DNAJC10: variants seen among roughly 807,000 people sequenced by gnomAD.
DNAJC10 encodes endoplasmic reticulum disulfide reductase DNAJC10.
A neutral mutation model predicts 115.0 loss-of-function variants in DNAJC10; 101 were observed. The ratio of observed to expected loss-of-function variants is 0.88; its 90% CI spans 0.75 to 1.04. The LOEUF (loss-of-function observed/expected upper bound fraction) is 1.04. DNAJC10 is among the 50% of genes least tolerant of loss of function. The pLI is 0.00. For synonymous variants in DNAJC10, 307 were observed against 301.5 expected, an observed-to-expected ratio of 1.02 and a Z score of -0.19; for missense variants, 981 against 928.8, an observed-to-expected ratio of 1.06 and a Z score of -0.73.
chr2:182,729,409 A>G (rs1203712615), intron 7 of DNAJC10, among the ~76,000 whole-genome samples: 2 of 152,178 alleles, frequency 1.3e-5, no homozygotes, highest in African/African-American at 4.8e-5. Context: ...TCAGCCTCCC[A>G]CAGTGCTGGG....
intron 14 of DNAJC10, 59 bp downstream of exon 14, chr2:182,743,771 C>G: frequency 8.2e-7 from 1 of 1,226,146 alleles, no homozygotes. Context: ...TAGAAGTTTT[C>G]TAATTGTGCT....
In DNAJC10 at chr2:182,786,366, C is replaced by T. The variant is rs1456265855; in HGVS notation, c.*9234C>T. ...AGCGTGGAGCCTGAGCATCATTTCA[C>T]CATTTTGAGCCTCAAGCTCTCAATA... On this transcript the variant is annotated 3_prime_UTR_variant, in exon 24 of 24. Transcript: ENST00000264065. The T allele has an allele frequency of 6.6e-6, 1 of 152,180 alleles. No individual in the cohort carries two copies. 9.4% of individuals were successfully genotyped at this position (152,180 alleles called of 1,614,324 possible). A position where few individuals can be genotyped will look rare whatever the true frequency, so the allele number is the denominator to read the frequency against.
At chr2:182,719,250 CTTTTTTTT>C (rs57284693) in intron 3 of DNAJC10, among the ~76,000 whole-genome samples, 1 of 83,686 alleles carries the variant, frequency 1.2e-5, no homozygotes, top group Non-Finnish European at 2.3e-5. Context: ...GGATTGTTTT[CTTTTTTTT>C]TTTTTTTTTT....
chr2:182,732,318 GTGTTTTTGTGTGTGTGTTTGTA>G (rs764778588), intron 9 of DNAJC10, among the ~76,000 whole-genome samples, 159 bp from the exon 10 acceptor site: 1 of 141,890 alleles, frequency 7.0e-6, no homozygotes, highest in African/African-American at 3.1e-5. Flanking sequence ...GAGTGTGTGT[GTGTTTTTGTGTGTGTGTTTGTA>G]TGTGTGTGTG....
intron 11 of DNAJC10, among the ~76,000 whole-genome samples, chr2:182,738,861 T>C (rs967014064): frequency 5.9e-5 from 9 of 152,176 alleles, no homozygotes; most frequent in East Asian, 1.9e-4. Context: ...TTAAAAAATA[T>C]AAAACAGTAT....
intron 14 of DNAJC10, among the ~76,000 whole-genome samples, chr2:182,749,191 G>A (rs1254616698): frequency 2.1e-5 from 3 of 145,788 alleles, no homozygotes; most frequent in African/African-American, 7.7e-5. Context: ...GCAGAGCTGA[G>A]TTTAATTCCT....
At chr2:182,726,451 G>A (rs1331642966) in intron 5 of DNAJC10, among the ~76,000 whole-genome samples, 1 of 152,150 alleles carries the variant, frequency 6.6e-6, no homozygotes, top group African/African-American at 2.4e-5. Flanking sequence ...CATAAACTTG[G>A]TTGATAAAAC....
chr2:182,729,088 T>C, intron 7 of DNAJC10, 94 bp downstream of exon 7: 1 of 1,312,882 alleles, frequency 7.6e-7, no homozygotes, highest in East Asian at 2.3e-5. Flanking sequence ...TGCAGAACAT[T>C]TTAAGTCTTG....
intron 5 of DNAJC10, among the ~76,000 whole-genome samples, chr2:182,722,304 A>G (rs759983904): frequency 6.6e-6 from 1 of 152,226 alleles, no homozygotes; most frequent in Non-Finnish European, 1.5e-5. Flanking sequence ...AATAAAAGAA[A>G]TTTAAAAATC....
intron 10 of DNAJC10, 73 bp downstream of exon 10, chr2:182,732,615 T>C (rs1270227105): frequency 2.1e-6 from 3 of 1,435,184 alleles, no homozygotes; most frequent in Non-Finnish European, 2.9e-6. Context: ...TTGAAACATT[T>C]TCTTCCCTTA....
chr2:182,753,770 G>T (rs1306828872), intron 16 of DNAJC10, among the ~76,000 whole-genome samples: 1 of 151,852 alleles, frequency 6.6e-6, no homozygotes. Context: ...TTTTAGTAGA[G>T]ATGGGGTTTT....
chr2:182,765,553 C>G (rs955789925), intron 22 of DNAJC10, among the ~76,000 whole-genome samples: 1 of 152,110 alleles, frequency 6.6e-6, no homozygotes, highest in Admixed American at 6.6e-5. Flanking sequence ...CGATTCCATG[C>G]GGTTGCGAGG....
chr2:182,732,634 A>G, intron 10 of DNAJC10, 92 bp downstream of exon 10: 2 of 1,219,176 alleles, frequency 1.6e-6, no homozygotes, highest in South Asian at 1.3e-5. Context: ...TATTTCTTGA[A>G]CATTTAACTC....
chr2:182,739,470 A>G (rs1693676258), intron 11 of DNAJC10: 3 of 1,055,180 alleles, frequency 2.8e-6, no homozygotes, highest in Admixed American at 6.8e-5. Context: ...TTAAAGACAT[A>G]TATTAAACTC....
At chr2:182,742,689 A>G (rs1285594053) in intron 13 of DNAJC10, among the ~76,000 whole-genome samples, 12 of 152,200 alleles carry the variant, frequency 7.9e-5, no homozygotes, top group African/African-American at 1.2e-4. Context: ...TATGTTAACA[A>G]TATTCACTTT....
rs112667931 is a variant in DNAJC10, at chr2:182,760,189, C to G, written c.2145+882C>G. 7.0e-4 allele frequency among the ~76,000 whole-genome samples: 106 copies of G among 152,292 alleles called. 1 individual carries two copies. The highest frequency in any genetic ancestry group is 2.5e-3 in the African/African-American group (105 of 41,570). ...TGCCGCTCCCTCTCTCTAAAATGCTCTGTCCTTACCTTGGTCATCTGTATT... is the reference window on the plus strand; with the variant it reads ...TGCCGCTCCCTCTCTCTAAAATGCTGTGTCCTTACCTTGGTCATCTGTATT... On this transcript the variant is annotated intron_variant, in intron 21 of 23. Coordinates refer to ENST00000264065, the MANE Select transcript of DNAJC10 (RefSeq NM_018981.4).
chr2:182,749,889 G>A (rs1424863756), intron 14 of DNAJC10, among the ~76,000 whole-genome samples: 1 of 152,144 alleles, frequency 6.6e-6, no homozygotes, highest in East Asian at 1.9e-4. Flanking sequence ...AAATATGCAA[G>A]GGCTGTGGTC....
intron 13 of DNAJC10, among the ~76,000 whole-genome samples, chr2:182,742,715 A>T (rs1693767093): frequency 6.6e-6 from 1 of 152,188 alleles, no homozygotes; most frequent in Non-Finnish European, 1.5e-5. Flanking sequence ...AATTGCTTTC[A>T]ACTGGTCGGG....
Position 182,786,360 on chromosome 2 carries a change from AT to A in DNAJC10, c.*9231del, listed in dbSNP as rs770962292. 3.3e-5 allele frequency: 5 copies of A among 152,254 alleles called. No individual in the cohort carries two copies. In the East Asian group the frequency reaches 9.7e-4, roughly 29 times the overall value. The allele number at this position is 152,254 out of a possible 1,614,324, so 9.4% of individuals were successfully genotyped here. ...CCTTTCAGCGTGGAGCCTGAGCATC[AT>A]TTCACCATTTTGAGCCTCAAGCTCT... On this transcript the variant is annotated 3_prime_UTR_variant, in exon 24 of 24. Coordinates refer to ENST00000264065, the MANE Select transcript of DNAJC10 (RefSeq NM_018981.4).
Sources: gnomAD v4.1 joint callset for allele counts (sites outside exome capture counted in the v4.1 genomes callset) on GRCh38, gnomAD v4.1.1 for gene constraint, MANE v1.5 for transcripts, NCBI Gene and HGNC (gene_info 2026-07-23, HGNC 2026-07-21) for gene names.